The following CCDC69 variants were observed in gnomAD, a reference collection of about 807,000 sequenced individuals.
CCDC69 encodes the protein coiled-coil domain containing 69, also known as coiled-coil domain-containing protein 69.
A neutral mutation model predicts 40.3 loss-of-function variants in CCDC69; 38 were observed. The ratio of observed to expected loss-of-function variants is 0.94; its 90% CI spans 0.73 to 1.24. The LOEUF (loss-of-function observed/expected upper bound fraction) is 1.24, where lower values mean the gene tolerates loss of function less well. Ranked by LOEUF, CCDC69 falls within the 50% of genes most tolerant of loss-of-function variation. The pLI is 0.00. For synonymous variants in CCDC69, 141 were observed against 138.9 expected (o/e 1.02, Z -0.11); for missense variants, 389 against 357.9 (o/e 1.09, Z -0.70).
chr5:151,186,163 C>T (rs248426), intron 5 of CCDC69, 39 bp from the exon 6 acceptor site: 622,251 of 1,391,012 alleles, frequency 0.45, 139,894 homozygotes, highest in African/African-American at 0.46. Context: ...CAAAGCCTGC[C>T]TCATAAATGC....
intron 1 of CCDC69, among the ~76,000 whole-genome samples, chr5:151,206,782 C>T (rs1487944713): frequency 2.0e-5 from 3 of 151,788 alleles, no homozygotes; most frequent in African/African-American, 7.3e-5. Flanking sequence ...AGGTGCATGC[C>T]ACCATGCCCG....
At chr5:151,195,915 C>T (rs530680479) in intron 4 of CCDC69, among the ~76,000 whole-genome samples, 1 of 152,190 alleles carries the variant, frequency 6.6e-6, no homozygotes, top group East Asian at 1.9e-4. Flanking sequence ...TCTAGTTATT[C>T]CATCTGGGTA....
intron 1 of CCDC69, among the ~76,000 whole-genome samples, chr5:151,216,604 C>T (rs1008574096): frequency 6.6e-5 from 10 of 151,350 alleles, no homozygotes; most frequent in Admixed American, 2.0e-4. Flanking sequence ...TTAGTAGAGA[C>T]GGGGTTTCAC....
At chr5:151,203,235 C>A (rs112186163) in intron 2 of CCDC69, among the ~76,000 whole-genome samples, 2 of 151,914 alleles carry the variant, frequency 1.3e-5, no homozygotes, top group Non-Finnish European at 2.9e-5. Context: ...GTAGGCCAGG[C>A]GCGATGGCTC....
At position 151,183,497 on chromosome 5, in the gene CCDC69, G is replaced by C; in HGVS notation, c.831C>G (p.Ala277=). 1 of 1,607,840 alleles carries C rather than the reference G, an allele frequency of 6.2e-7. No homozygotes were observed. The highest frequency in any genetic ancestry group is 8.5e-7 in the Non-Finnish European group (1 of 1,177,956). ...CAGGGGCCAGAGGGAAGGCAGGCGA[G>C]GCATTGGCCCCAAGGACCCGGTACA... ...ELLYRVLGAN[A]SPAFPLAPVT... is the part of the protein sequence containing the mutation. Residue 277 remains alanine (A), a synonymous_variant, in exon 9 of 9, where the codon GCC becomes GCG. Transcript: ENST00000355417.
chr5:151,189,907 G>A (rs574337860), intron 4 of CCDC69, among the ~76,000 whole-genome samples: 7 of 152,284 alleles, frequency 4.6e-5, no homozygotes, highest in South Asian at 4.1e-4. Flanking sequence ...GTTTGTTCTC[G>A]CTGATCTTTA....
chr5:151,217,722 C>A (rs937596336), intron 1 of CCDC69, among the ~76,000 whole-genome samples: 1 of 152,174 alleles, frequency 6.6e-6, no homozygotes, highest in African/African-American at 2.4e-5. Context: ...TTTCCCTCTT[C>A]TTGTTGGGAC....
chr5:151,220,792 A>AC (rs35813833), intron 1 of CCDC69, among the ~76,000 whole-genome samples: 1 of 150,806 alleles, frequency 6.6e-6, no homozygotes, highest in Non-Finnish European at 1.5e-5. Context: ...ACCAGTCCCC[A>AC]CCCCCCCTCC....
At chr5:151,191,960 C>T (rs901647209) in intron 4 of CCDC69, among the ~76,000 whole-genome samples, 2 of 151,106 alleles carry the variant, frequency 1.3e-5, no homozygotes, top group African/African-American at 4.9e-5. Context: ...GGTGGGGTAC[C>T]TATAGTCTCA....
In CCDC69 at chr5:151,181,058, G is replaced by C. The variant is rs1019973143; in HGVS notation, c.*2379C>G. ...AACACAAAAGTCACATAAATAAGGT[G>C]CCGCATGTTCTTTTTAGTTTCCATA... On this transcript the variant is annotated 3_prime_UTR_variant, in exon 9 of 9. Transcript: ENST00000355417. The C allele has an allele frequency of 2.6e-5, 4 of 152,084 alleles. No individual in the cohort carries two copies. Among genetic ancestry groups the C allele is most frequent in the Non-Finnish European group, 5.9e-5 (4 of 68,012 alleles). The allele number at this position is 152,084 out of a possible 1,614,324, so 9.4% of individuals were successfully genotyped here.
At chr5:151,185,574 G>A (rs751654893) in intron 6 of CCDC69, 33 bp from the exon 7 acceptor site, 1 of 1,607,534 alleles carries the variant, frequency 6.2e-7, no homozygotes, top group Non-Finnish European at 8.5e-7. Flanking sequence ...CATTAGGCCA[G>A]TAGGCTACCT....
intron 1 of CCDC69, among the ~76,000 whole-genome samples, chr5:151,206,856 T>C (rs1172990543): frequency 6.6e-6 from 1 of 151,976 alleles, no homozygotes. Flanking sequence ...GGTCTCAATC[T>C]CCTGACCTTG....
chr5:151,201,035 T>A (rs376205594), intron 3 of CCDC69, among the ~76,000 whole-genome samples: 10 of 152,218 alleles, frequency 6.6e-5, no homozygotes, highest in African/African-American at 1.9e-4. Flanking sequence ...AGACAAAATG[T>A]TTATTTTGCC....
chr5:151,186,974 C>A (rs1752530577), intron 5 of CCDC69, among the ~76,000 whole-genome samples: 1 of 151,946 alleles, frequency 6.6e-6, no homozygotes, highest in South Asian at 2.1e-4. Context: ...CCTTCCTACC[C>A]TTCTTTACCA....
chr5:151,182,399 CA>C lies in CCDC69; in HGVS notation c.*1037del, dbSNP rs1333154870. ...GGTTGTAAAAGCCTGGGCCTGGGAT[CA>C]GGGGCAGTGGGAGGAGGAGTTAAGG... On this transcript the variant is annotated 3_prime_UTR_variant, in exon 9 of 9. Coordinates refer to ENST00000355417, the MANE Select transcript of CCDC69 (RefSeq NM_015621.3). 2 of 152,644 alleles carry C rather than the reference CA, an allele frequency of 1.3e-5. No homozygotes were observed. The highest frequency in any genetic ancestry group is 1.9e-4 in the East Asian group (1 of 5,204). The allele number at this position is 152,644 out of a possible 1,614,324, so 9.5% of individuals were successfully genotyped here.
At position 151,205,528 on chromosome 5, in the gene CCDC69, C is replaced by T. The variant is rs372606594; in HGVS notation, c.49-53G>A. ...GTGGGTAGAGGGTGGGAGGTCAATG[C>T]GAGGACGGGCTGCTATAGTGGGACT... On this transcript the variant is annotated intron_variant, in intron 1 of 8. Coordinates refer to ENST00000355417, the MANE Select transcript of CCDC69 (RefSeq NM_015621.3). 1,987 of 1,445,676 alleles carry T rather than the reference C, an allele frequency of 1.4e-3. 3 individuals carry two copies. The highest frequency in any genetic ancestry group is 1.7e-3 in the Non-Finnish European group (1,759 of 1,027,764). 89.6% of individuals were successfully genotyped at this position (1,445,676 alleles called of 1,614,324 possible). A position where few individuals can be genotyped will look rare whatever the true frequency, so the allele number is the denominator to read the frequency against.
intron 3 of CCDC69, 110 bp downstream of exon 3, chr5:151,201,472 G>A: frequency 1.5e-6 from 1 of 673,968 alleles, no homozygotes; most frequent in Non-Finnish European, 2.6e-6. Flanking sequence ...GGTAAAATGA[G>A]TAAGGGACTC....
At chr5:151,205,170 T>C (rs1752836286) in intron 2 of CCDC69, among the ~76,000 whole-genome samples, 1 of 152,124 alleles carries the variant, frequency 6.6e-6, no homozygotes, top group African/African-American at 2.4e-5. Context: ...CCTCTAAAAA[T>C]GTATTTTCCA....
intron 1 of CCDC69, among the ~76,000 whole-genome samples, chr5:151,213,128 T>G (rs1561604744): frequency 6.6e-6 from 1 of 152,228 alleles, no homozygotes; most frequent in East Asian, 1.9e-4. Context: ...ACCACCAGCA[T>G]TAATGGAACC....
Sources: allele counts gnomAD v4.1 joint callset (sites outside exome capture counted in the v4.1 genomes callset), GRCh38; gene constraint gnomAD v4.1.1; transcripts MANE v1.5; gene names NCBI Gene and HGNC (gene_info 2026-07-23, HGNC 2026-07-21).